Variants in PDLIM7 observed in about 807,000 individuals in gnomAD.
The protein encoded by PDLIM7 is PDZ and LIM domain protein 7.
A neutral mutation model predicts 53.9 loss-of-function variants in PDLIM7; 37 were observed. The observed-to-expected ratio is 0.69, with a 90% confidence interval of 0.53 to 0.90. The LOEUF is 0.90. Ranked by LOEUF, PDLIM7 falls within the 40% of genes least tolerant of loss-of-function variation. PDLIM7 has a pLI of 0.00. For synonymous variants in PDLIM7, 300 were observed against 261.3 expected, an observed-to-expected ratio of 1.15 and a Z score of -1.43; for missense variants, 617 against 638.5, an observed-to-expected ratio of 0.97 and a Z score of 0.36.
At chr5:177,497,047 A>AGGGGGGGGG (rs1759124909) in intron 1 of PDLIM7, among the ~76,000 whole-genome samples, 1 of 94,980 alleles carries the variant, frequency 1.1e-5, no homozygotes. Flanking sequence ...GAGGGGAGGG[A>AGGGGGGGGG]GGCGGCTGCA....
At chr5:177,491,717 G>T in intron 5 of PDLIM7, 90 bp downstream of exon 5, 1 of 750,954 alleles carries the variant, frequency 1.3e-6, no homozygotes, top group Non-Finnish European at 2.0e-6. Flanking sequence ...CCGGGCTGGG[G>T]CGCAGCACAG....
At position 177,489,524 on chromosome 5, in the gene PDLIM7, G is replaced by A. The variant is rs1303150398; in HGVS notation, c.738C>T (p.His246=). 1.9e-6 allele frequency: 3 copies of A among 1,609,576 alleles called. No individual in the cohort carries two copies. Among genetic ancestry groups the A allele is most frequent in the South Asian group, 1.1e-5 (1 of 90,332 alleles). Residue 246 remains histidine (H), a synonymous_variant, in exon 9 of 13, where the codon CAC becomes CAT. Transcript: ENST00000355841. ...GCGGCGTGGGCGTGGCCGGCTGGCT[G>A]TGCCGGGTCAGCACTGTGCTCGTTT... ...PDKTSTVLTR[H]SQPATPTPLQ...
rs1432848495 is a variant in PDLIM7 at position 177,490,432 on chromosome 5, G to A, written c.572+438C>T. On this transcript the variant is annotated intron_variant, in intron 7 of 12. Coordinates refer to ENST00000355841, the MANE Select transcript of PDLIM7 (RefSeq NM_005451.5). ...AGGCAGAAGCTGGAGGCACTAAGGG[G>A]GTGCCCTGGGCAGGAGGAACAGAAA... The A allele has an allele frequency of 3.3e-6, 5 of 1,526,202 alleles. No homozygotes were observed. In the East Asian group the frequency reaches 7.4e-5, roughly 22 times the overall value. The allele number at this position is 1,526,202 out of a possible 1,614,324, so 94.5% of individuals were successfully genotyped here.
At chr5:177,496,216 G>A (rs1403563429) in intron 2 of PDLIM7, among the ~76,000 whole-genome samples, 1 of 152,212 alleles carries the variant, frequency 6.6e-6, no homozygotes, top group Non-Finnish European at 1.5e-5. Context: ...GTGCAGGGCT[G>A]GAGAAGCCTG....
rs145315539 is a variant in PDLIM7, at chr5:177,488,068, G to A, written c.1050C>T (p.Gly350=). 30 of 1,589,036 alleles carry A rather than the reference G, an allele frequency of 1.9e-5. No homozygotes were observed. The highest frequency in any genetic ancestry group is 4.5e-5 in the East Asian group (2 of 44,312). The change falls in exon 10 of 13, where the codon GGC becomes GGT. Residue 350 remains glycine, a splice_region_variant and synonymous_variant. Coordinates refer to ENST00000355841, the MANE Select transcript of PDLIM7 (RefSeq NM_005451.5). The part of the protein sequence containing the change: ...SCAKCKKKIT[G]EIMHALKMTW... ...CTCCCCGCCAGCCAGCCCTACTCAC[G>A]CCTGTAATCTTCTTCTTGCACTTGG...
intron 9 of PDLIM7, among the ~76,000 whole-genome samples, chr5:177,488,980 G>T (rs1408271304): frequency 6.6e-6 from 1 of 152,190 alleles, no homozygotes; most frequent in African/African-American, 2.4e-5. Context: ...GATGCTGGGG[G>T]GTGTTTGATG....
At chr5:177,492,817 C>T in intron 2 of PDLIM7, 140 bp from the exon 3 acceptor site, 1 of 896,414 alleles carries the variant, frequency 1.1e-6, no homozygotes, top group Non-Finnish European at 1.7e-6. Flanking sequence ...TTCTAGGCAG[C>T]TGCTGGACAC....
In PDLIM7 at chr5:177,483,623, G is replaced by A. The variant is rs751726447; in HGVS notation, c.*21C>T. The A allele has an allele frequency of 1.3e-6, 2 of 1,571,960 alleles. No individual in the cohort carries two copies. Among genetic ancestry groups the A allele is most frequent in the Non-Finnish European group, 1.7e-6 (2 of 1,143,772 alleles). Reference sequence around the variant, plus strand: ...GCCCCTCAGGCTAGGGGCCACCGCGGCAGCTGTGGGCAGAAGGGGCTCACA... The same window carrying A: ...GCCCCTCAGGCTAGGGGCCACCGCGACAGCTGTGGGCAGAAGGGGCTCACA... On this transcript the variant is annotated 3_prime_UTR_variant, in exon 13 of 13. Transcript: ENST00000355841.
intron 4 of PDLIM7, chr5:177,492,171 G>A (rs180722340): frequency 2.4e-4 from 148 of 623,166 alleles, no homozygotes; most frequent in African/African-American, 2.1e-3. Context: ...CAGCGCCGGC[G>A]GCGGGAGGCA....
intron 1 of PDLIM7, 51 bp from the exon 2 acceptor site, chr5:177,496,574 A>G: frequency 7.3e-7 from 1 of 1,361,744 alleles, no homozygotes; most frequent in South Asian, 1.4e-5. Flanking sequence ...GCGGGCAGGC[A>G]GGCAGGCCGG....
At chr5:177,484,964 C>T (rs1758364348) in intron 10 of PDLIM7, 2 of 152,910 alleles carry the variant, frequency 1.3e-5, no homozygotes, top group South Asian at 2.0e-4. Flanking sequence ...GCTCACCCCT[C>T]ACCCCCTTCA....
At position 177,491,117 on chromosome 5, in the gene PDLIM7, G is replaced by A. The variant is rs1204602557; in HGVS notation, c.428C>T (p.Ala143Val). The A allele has an allele frequency of 6.2e-7, 1 of 1,611,954 alleles. No homozygotes were observed. Among genetic ancestry groups the A allele is most frequent in the Admixed American group, 1.7e-5 (1 of 59,864 alleles). Residue 143 changes from alanine (A) to valine (V), a missense_variant, in exon 6 of 13, where the codon GCC (alanine) becomes GTC (valine). Physicochemically the swap from Ala to Val is moderately conservative, Grantham distance 64 (BLOSUM62 0). Coordinates refer to ENST00000355841, the MANE Select transcript of PDLIM7 (RefSeq NM_005451.5). Reference sequence around the variant, plus strand: ...GTTCTCCATCAGCCGCTGCTTGCTGGCATCTGGGACCAGCGGTCGGAGCGG... The same window carrying A: ...GTTCTCCATCAGCCGCTGCTTGCTGACATCTGGGACCAGCGGTCGGAGCGG... ...GQPLRPLVPD[A>V]SKQRLMENTE...
At chr5:177,486,346 G>A (rs1321483584) in intron 10 of PDLIM7, among the ~76,000 whole-genome samples, 4 of 152,166 alleles carry the variant, frequency 2.6e-5, no homozygotes, top group African/African-American at 9.7e-5. Context: ...CACAACACCT[G>A]TACCCCATCT....
rs2127412161 is a variant in PDLIM7, at chr5:177,489,581, G to A, written c.681C>T (p.Asp227=). Residue 227 remains aspartate, a synonymous_variant, in exon 9 of 13, where the codon GAC becomes GAT. Transcript: ENST00000355841. ...SPTSRPPWAV[D]PAFAERYAPD... ...GGGCATAGCGCTCGGCAAACGCAGG[G>A]TCCACAGCCCAGGGCGGGCGGCTGG... The A allele has an allele frequency of 1.9e-6, 3 of 1,609,894 alleles. 1 individual carries two copies. Among genetic ancestry groups the A allele is most frequent in the South Asian group, 2.2e-5 (2 of 90,554 alleles).
At chr5:177,485,351 G>A (rs1340849410) in intron 10 of PDLIM7, among the ~76,000 whole-genome samples, 2 of 152,166 alleles carry the variant, frequency 1.3e-5, no homozygotes, top group African/African-American at 2.4e-5. Context: ...TAGGACCCTC[G>A]GGGCCAGCCG....
intron 10 of PDLIM7, among the ~76,000 whole-genome samples, chr5:177,485,847 A>G (rs777345482): frequency 7.9e-5 from 12 of 152,028 alleles, no homozygotes; most frequent in Admixed American, 2.6e-4. Flanking sequence ...TCTGCTGAGC[A>G]TGCTGGTGGG....
rs2127409945 is a variant in PDLIM7, at chr5:177,485,656, G to C, written c.1051-1466C>G. On this transcript the variant is annotated intron_variant, in intron 10 of 12. Transcript: ENST00000355841. ...GGAGCAGTACTACTGGTTCATTCAG[G>C]AATGCCTGCCTGGCTCAGGCTGAAA... Among the ~76,000 whole-genome samples the C allele has an allele frequency of 1.3e-5, 2 of 152,318 alleles. 1 individual carries two copies. Among genetic ancestry groups the C allele is most frequent in the South Asian group, 4.1e-4 (2 of 4,830 alleles).
chr5:177,484,213 C>T (rs775872573), intron 10 of PDLIM7, 23 bp from the exon 11 acceptor site: 7 of 1,610,670 alleles, frequency 4.3e-6, no homozygotes, highest in Middle Eastern at 1.8e-4. Context: ...CCCAGTCACT[C>T]GGCAGGCTCA....
chr5:177,496,501 G>A lies in PDLIM7; in HGVS notation c.12C>T (p.Phe4=). The A allele has an allele frequency of 6.3e-7, 1 of 1,595,130 alleles. No individual in the cohort carries two copies. Among genetic ancestry groups the A allele is most frequent in the South Asian group, 1.1e-5 (1 of 88,340 alleles). The part of the protein sequence containing the change: MDS[F]KVVLEGPAPW... ...GTGCTGGCCCCTCCAGCACTACTTT[G>A]AAGGAATCCATGATGCCGGCTCCTG... is the stretch of plus-strand genomic sequence containing the variant. The change falls in exon 2 of 13, where the codon TTC becomes TTT. Residue 4 remains phenylalanine (F), a synonymous_variant. Coordinates refer to ENST00000355841, the MANE Select transcript of PDLIM7 (RefSeq NM_005451.5).
Sources: allele counts gnomAD v4.1 joint callset (sites outside exome capture counted in the v4.1 genomes callset), GRCh38; gene constraint gnomAD v4.1.1; transcripts MANE v1.5; gene names NCBI Gene and HGNC (gene_info 2026-07-23, HGNC 2026-07-21).